DLGAP4: variants seen among roughly 807,000 people sequenced by gnomAD.
DLGAP4 encodes disks large-associated protein 4.
DLGAP4 carries 18 observed loss-of-function variants against 86.9 expected under a neutral mutation model. The observed-to-expected ratio is 0.21, with a 90% CI of 0.14 to 0.31. The LOEUF is 0.31. DLGAP4 is among the 10% of genes least tolerant of loss of function. DLGAP4 has a pLI of 1.00. For missense variants in DLGAP4, 1,085 were observed against 1,362.6 expected (o/e 0.80, Z 3.21); for synonymous variants, 548 against 574.3 (o/e 0.95, Z 0.65).
intron 7 of DLGAP4, among the ~76,000 whole-genome samples, chr20:36,476,521 G>A (rs1569513060): frequency 6.7e-6 from 1 of 149,780 alleles, no homozygotes; most frequent in African/African-American, 2.5e-5. Flanking sequence ...TAGAAACAGG[G>A]TTTCACCATG....
At chr20:36,343,204 A>C (rs1555892665) in intron 1 of DLGAP4, among the ~76,000 whole-genome samples, 1 of 152,190 alleles carries the variant, frequency 6.6e-6, no homozygotes, top group Non-Finnish European at 1.5e-5. Flanking sequence ...TTGGAGCAGC[A>C]TGTGGAAGGC....
intron 2 of DLGAP4, among the ~76,000 whole-genome samples, chr20:36,429,655 C>T (rs1482068887): frequency 6.6e-6 from 1 of 152,080 alleles, no homozygotes; most frequent in Non-Finnish European, 1.5e-5. Context: ...GATCCACCTG[C>T]CTTGGCCTCC....
At chr20:36,421,556 C>T (rs992247336) in intron 2 of DLGAP4, among the ~76,000 whole-genome samples, 2 of 151,600 alleles carry the variant, frequency 1.3e-5, no homozygotes, top group Non-Finnish European at 2.9e-5. Flanking sequence ...AGTGGGGACT[C>T]GGCCTGGGGC....
chr20:36,332,614 T>G (rs1555891678), intron 1 of DLGAP4, among the ~76,000 whole-genome samples: 1 of 152,060 alleles, frequency 6.6e-6, no homozygotes, highest in Non-Finnish European at 1.5e-5. Context: ...GGTCTCAAAC[T>G]CCTAACCTCA....
chr20:36,518,018 C>T (rs2037145433), intron 10 of DLGAP4, among the ~76,000 whole-genome samples: 1 of 152,146 alleles, frequency 6.6e-6, no homozygotes, highest in African/African-American at 2.4e-5. Flanking sequence ...GTCAGGAGTT[C>T]AAGACCAGCC....
intron 2 of DLGAP4, among the ~76,000 whole-genome samples, chr20:36,386,902 T>C (rs977909905): frequency 8.5e-5 from 13 of 152,240 alleles, no homozygotes; most frequent in Admixed American, 8.5e-4. Context: ...TTTTCTTTTT[T>C]CACTTATTTT....
chr20:36,463,220 T>C (rs1200341255), intron 7 of DLGAP4, among the ~76,000 whole-genome samples: 1 of 152,230 alleles, frequency 6.6e-6, no homozygotes, highest in Non-Finnish European at 1.5e-5. Flanking sequence ...TTCTGCCAGC[T>C]TCAAGGTGTT....
chr20:36,352,143 G>A (rs1216306584), intron 1 of DLGAP4, among the ~76,000 whole-genome samples: 1 of 152,046 alleles, frequency 6.6e-6, no homozygotes, highest in South Asian at 2.1e-4. Flanking sequence ...AAAGGGCCTG[G>A]GGTGGAGCAG....
intron 2 of DLGAP4, among the ~76,000 whole-genome samples, chr20:36,414,985 G>A (rs1178223235): frequency 1.3e-5 from 2 of 152,212 alleles, no homozygotes; most frequent in African/African-American, 4.8e-5. Context: ...TCCAGAGAGG[G>A]CTGGGCACAG....
At chr20:36,367,905 G>A (rs1389819886) in intron 2 of DLGAP4, among the ~76,000 whole-genome samples, 4 of 152,154 alleles carry the variant, frequency 2.6e-5, no homozygotes, top group Non-Finnish European at 5.9e-5. Context: ...GGCTCTGCTG[G>A]CATAACAATC....
At chr20:36,346,772 C>G (rs2029954930) in intron 1 of DLGAP4, among the ~76,000 whole-genome samples, 1 of 152,104 alleles carries the variant, frequency 6.6e-6, no homozygotes, top group African/African-American at 2.4e-5. Flanking sequence ...CCAGTTCTTT[C>G]CCATCACCTC....
At chr20:36,453,640 AAG>A (rs1302542137) in intron 7 of DLGAP4, among the ~76,000 whole-genome samples, 1 of 151,954 alleles carries the variant, frequency 6.6e-6, no homozygotes, top group Non-Finnish European at 1.5e-5. Context: ...CTTTAAAAAA[AAG>A]AAAAAAGAGG....
intron 7 of DLGAP4, among the ~76,000 whole-genome samples, chr20:36,468,197 A>G (rs2034503011): frequency 6.6e-6 from 1 of 152,214 alleles, no homozygotes; most frequent in African/African-American, 2.4e-5. Flanking sequence ...AAGGTTCCGG[A>G]GTTGTGCTGT....
At chr20:36,488,618 C>A (rs919985577) in intron 7 of DLGAP4, among the ~76,000 whole-genome samples, 2 of 151,666 alleles carry the variant, frequency 1.3e-5, no homozygotes, top group Non-Finnish European at 2.9e-5. Context: ...TCTTGTTGCC[C>A]AGGCTAGAGT....
chr20:36,505,398 A>G (rs2036317752), intron 10 of DLGAP4, among the ~76,000 whole-genome samples: 1 of 152,160 alleles, frequency 6.6e-6, no homozygotes, highest in Non-Finnish European at 1.5e-5. Flanking sequence ...TAAGATAAAC[A>G]GTTGAGGCAC....
intron 2 of DLGAP4, among the ~76,000 whole-genome samples, chr20:36,416,059 T>C (rs2032644327): frequency 6.6e-6 from 1 of 152,224 alleles, no homozygotes; most frequent in Non-Finnish European, 1.5e-5. Context: ...TATGTCCCCA[T>C]GGTCCTTTAT....
chr20:36,397,989 C>T lies in DLGAP4; in HGVS notation c.-73+30714C>T, dbSNP rs201959859. On this transcript the variant is annotated intron_variant, in intron 2 of 12. Coordinates refer to ENST00000339266, the MANE Select transcript of DLGAP4 (RefSeq NM_001365621.2). ...TACAAAAATTAGCCAGATGTGGTGG[C>T]GGGCGCCTGTAATCCCAGCTACTCA... is the stretch of plus-strand genomic sequence containing the variant. Among the ~76,000 whole-genome samples the T allele has an allele frequency of 7.9e-5, 12 of 152,216 alleles. No homozygotes were observed. In the East Asian group the frequency reaches 1.4e-3, roughly 17 times the overall value.
At chr20:36,456,068 G>A (rs987124612) in intron 7 of DLGAP4, among the ~76,000 whole-genome samples, 7 of 152,180 alleles carry the variant, frequency 4.6e-5, no homozygotes, top group Admixed American at 6.5e-5. Context: ...TGCCACCATC[G>A]ATTCGCGATG....
chr20:36,489,973 C>G (rs1347094570), intron 7 of DLGAP4, among the ~76,000 whole-genome samples: 1 of 151,192 alleles, frequency 6.6e-6, no homozygotes, highest in Non-Finnish European at 1.5e-5. Flanking sequence ...ATTCTCTTGC[C>G]TCAGCCTCCC....
Sources: allele counts gnomAD v4.1 joint callset (sites outside exome capture counted in the v4.1 genomes callset), GRCh38; gene constraint gnomAD v4.1.1; transcripts MANE v1.5; gene names NCBI Gene and HGNC (gene_info 2026-07-23, HGNC 2026-07-21).